ULK4: variants seen among roughly 807,000 people sequenced by gnomAD.
ULK4 encodes the protein inactive serine/threonine-protein kinase ULK4.
ULK4 carries 133 observed loss-of-function variants against 160.6 expected under a neutral mutation model. The observed-to-expected ratio is 0.83, with a 90% CI of 0.72 to 0.96. The LOEUF is 0.96. ULK4 is among the 40% of genes least tolerant of loss of function. The probability of loss-of-function intolerance (pLI) is 0.00; values close to 1 mark genes in which losing one functional copy is unlikely to be tolerated. For synonymous variants in ULK4, 534 were observed against 539.8 expected, an observed-to-expected ratio of 0.99 and a Z score of 0.15; for missense variants, 1,580 against 1,499.5, an observed-to-expected ratio of 1.05 and a Z score of -0.89.
chr3:41,565,928 C>T (rs1004012457), intron 32 of ULK4, 97 bp downstream of exon 32: 2 of 803,912 alleles, frequency 2.5e-6, no homozygotes, highest in Non-Finnish European at 3.8e-6. Context: ...TATTTTGACT[C>T]ATCAACTTTA....
At chr3:41,337,536 T>C (rs1009454395) in intron 35 of ULK4, among the ~76,000 whole-genome samples, 1 of 152,102 alleles carries the variant, frequency 6.6e-6, no homozygotes, top group African/African-American at 2.4e-5. Context: ...TGTGCAGACG[T>C]GCATGCACAC....
chr3:41,388,964 G>A (rs1240554791), intron 35 of ULK4, among the ~76,000 whole-genome samples: 3 of 151,810 alleles, frequency 2.0e-5, no homozygotes, highest in African/African-American at 7.3e-5. Flanking sequence ...ATTACCTTGG[G>A]TATTATGGCC....
chr3:41,297,161 C>T (rs1223244513), intron 35 of ULK4, among the ~76,000 whole-genome samples: 1 of 152,194 alleles, frequency 6.6e-6, no homozygotes, highest in East Asian at 1.9e-4. Context: ...ATTTCTCTCC[C>T]TCCTGCTGCC....
chr3:41,939,058 T>C (rs1401199805), intron 2 of ULK4, among the ~76,000 whole-genome samples: 1 of 152,190 alleles, frequency 6.6e-6, no homozygotes, highest in East Asian at 1.9e-4. Context: ...ACGAGTGTTA[T>C]GTTAATTGAA....
intron 17 of ULK4, among the ~76,000 whole-genome samples, chr3:41,838,750 A>G (rs1010144437): frequency 2.0e-5 from 3 of 152,212 alleles, no homozygotes; most frequent in African/African-American, 7.2e-5. Context: ...TGAAGCAAAA[A>G]CTGATCGAAC....
intron 30 of ULK4, among the ~76,000 whole-genome samples, chr3:41,635,821 A>G (rs899680811): frequency 6.6e-6 from 1 of 152,248 alleles, no homozygotes; most frequent in African/African-American, 2.4e-5. Context: ...TGTTAGATAT[A>G]TTATATCAGG....
intron 32 of ULK4, among the ~76,000 whole-genome samples, chr3:41,521,529 T>C (rs902943534): frequency 1.8e-4 from 28 of 152,152 alleles, no homozygotes; most frequent in Non-Finnish European, 2.1e-4. Context: ...TAAGATCCTA[T>C]TTGTGGATTT....
intron 32 of ULK4, among the ~76,000 whole-genome samples, chr3:41,522,129 C>CTTTTTTTTTTT (rs57720185): frequency 2.9e-5 from 4 of 135,954 alleles, no homozygotes; most frequent in Admixed American, 7.4e-5. Flanking sequence ...TCTTTTTTTT[C>CTTTTTTTTTTT]TTTTTTTTTT....
At chr3:41,519,812 A>C (rs1193860585) in intron 32 of ULK4, among the ~76,000 whole-genome samples, 1 of 152,210 alleles carries the variant, frequency 6.6e-6, no homozygotes, top group Non-Finnish European at 1.5e-5. Flanking sequence ...CTCTAAACTG[A>C]ATTACTATTT....
chr3:41,249,455 G>A (rs2078703856), intron 36 of ULK4, 34 bp downstream of exon 36: 1 of 1,593,826 alleles, frequency 6.3e-7, no homozygotes, highest in Non-Finnish European at 8.6e-7. Context: ...TGCTGATCTA[G>A]AGCAGACTGC....
intron 29 of ULK4, among the ~76,000 whole-genome samples, chr3:41,665,889 T>G (rs2035335580): frequency 6.6e-6 from 1 of 152,218 alleles, no homozygotes; most frequent in African/African-American, 2.4e-5. Context: ...GTGTAATGAT[T>G]TGCTAGAAGG....
At chr3:41,598,737 T>C (rs1024056322) in intron 31 of ULK4, among the ~76,000 whole-genome samples, 1 of 152,114 alleles carries the variant, frequency 6.6e-6, no homozygotes, top group Non-Finnish European at 1.5e-5. Context: ...GACTGCTGTA[T>C]ATTGTTTTTC....
intron 25 of ULK4, among the ~76,000 whole-genome samples, chr3:41,708,004 A>G (rs549211625): frequency 6.6e-6 from 1 of 152,276 alleles, no homozygotes; most frequent in Non-Finnish European, 1.5e-5. Context: ...TCAAAAAGAT[A>G]AAAGATAACA....
intron 32 of ULK4, among the ~76,000 whole-genome samples, chr3:41,475,617 T>C (rs972058800): frequency 2.6e-5 from 4 of 152,120 alleles, no homozygotes; most frequent in African/African-American, 7.2e-5. Flanking sequence ...AATTTGTCAG[T>C]TACAATTTAA....
intron 31 of ULK4, among the ~76,000 whole-genome samples, chr3:41,588,385 T>G (rs1315135205): frequency 1.3e-5 from 2 of 152,250 alleles, no homozygotes; most frequent in African/African-American, 4.8e-5. Flanking sequence ...CGATTATGCT[T>G]TGAATTTTCA....
At chr3:41,469,925 A>G (rs1193171502) in intron 32 of ULK4, among the ~76,000 whole-genome samples, 1 of 150,168 alleles carries the variant, frequency 6.7e-6, no homozygotes, top group Non-Finnish European at 1.5e-5. Context: ...TAAATAAGTA[A>G]ATAAATAAGA....
At chr3:41,915,750 C>T (rs1698945206) in intron 8 of ULK4, among the ~76,000 whole-genome samples, 1 of 152,142 alleles carries the variant, frequency 6.6e-6, no homozygotes, top group Non-Finnish European at 1.5e-5. Context: ...AAAAATTCCT[C>T]ATGATTAAAA....
chr3:41,418,441 C>T (rs9858054), intron 34 of ULK4, among the ~76,000 whole-genome samples: 73,481 of 151,504 alleles, frequency 0.49, 18,638 homozygotes, highest in African/African-American at 0.63. Flanking sequence ...TTTAAAAGTC[C>T]ACGTAGAAGT....
At position 41,565,322 on chromosome 3, in the gene ULK4, C is replaced by T. The variant is rs558586566; in HGVS notation, c.3226+703G>A. Among the ~76,000 whole-genome samples the T allele has an allele frequency of 3.3e-5, 5 of 152,272 alleles. No homozygotes were observed. In the South Asian group the frequency reaches 6.2e-4, roughly 19 times the overall value. On this transcript the variant is annotated intron_variant, in intron 32 of 36. Coordinates refer to ENST00000301831, the MANE Select transcript of ULK4 (RefSeq NM_017886.4). ...ACTCATCCAGTCTCATTTTCCAAGG[C>T]GCTTTTGGTCATATCTGTTTTTATT...
Sources: gnomAD v4.1 joint callset for allele counts (sites outside exome capture counted in the v4.1 genomes callset) on GRCh38, gnomAD v4.1.1 for gene constraint, MANE v1.5 for transcripts, NCBI Gene and HGNC (gene_info 2026-07-23, HGNC 2026-07-21) for gene names.